LIPC: variants seen among roughly 807,000 people sequenced by gnomAD.
LIPC encodes lipase C, hepatic type.
LIPC carries 44 observed loss-of-function variants against 50.7 expected under a neutral mutation model. That is an observed-to-expected ratio of 0.87 (90% confidence interval 0.68 to 1.11). LIPC has a LOEUF of 1.11. Ranked by LOEUF, LIPC falls within the 50% of genes most tolerant of loss-of-function variation. The pLI is 0.00. For synonymous variants in LIPC, 271 were observed against 256.4 expected, an observed-to-expected ratio of 1.06 and a Z score of -0.54; for missense variants, 697 against 648.2, an observed-to-expected ratio of 1.08 and a Z score of -0.82.
At chr15:58,470,192 A>C (rs1894742849) in intron 1 of LIPC, among the ~76,000 whole-genome samples, 2 of 152,164 alleles carry the variant, frequency 1.3e-5, no homozygotes, top group African/African-American at 4.8e-5. Flanking sequence ...TCAGCCTCCC[A>C]AAGTGCTGAG....
At chr15:58,526,661 C>T (rs1892808838) in intron 1 of LIPC, among the ~76,000 whole-genome samples, 1 of 152,192 alleles carries the variant, frequency 6.6e-6, no homozygotes, top group Non-Finnish European at 1.5e-5. Flanking sequence ...AATAGGCTGG[C>T]AAAGACCTTG....
At chr15:58,493,159 C>T (rs558863348) in intron 1 of LIPC, among the ~76,000 whole-genome samples, 1 of 152,222 alleles carries the variant, frequency 6.6e-6, no homozygotes, top group African/African-American at 2.4e-5. Context: ...GAACCCATAC[C>T]CTCATCAGTG....
At chr15:58,432,844 G>T (rs1055712815) in intron 1 of LIPC, among the ~76,000 whole-genome samples, 1 of 152,176 alleles carries the variant, frequency 6.6e-6, no homozygotes, top group Non-Finnish European at 1.5e-5. Context: ...ATTTGTTTTG[G>T]TACTGGTTAC....
At chr15:58,547,792 TG>T (rs1433823338) in intron 5 of LIPC, among the ~76,000 whole-genome samples, 3 of 152,066 alleles carry the variant, frequency 2.0e-5, no homozygotes, top group Admixed American at 2.0e-4. Flanking sequence ...ATGGCTGCTT[TG>T]GGACACAAGG....
chr15:58,531,448 GA>G (rs112994928), intron 1 of LIPC, among the ~76,000 whole-genome samples: 1 of 151,646 alleles, frequency 6.6e-6, no homozygotes, highest in African/African-American at 2.4e-5. Context: ...TTTCTTAAAA[GA>G]AAAAAATCAT....
chr15:58,449,026 G>A (rs1183502062), intron 1 of LIPC, among the ~76,000 whole-genome samples: 1 of 152,124 alleles, frequency 6.6e-6, no homozygotes, highest in African/African-American at 2.4e-5. Context: ...AAGAGGGCTT[G>A]GCAGGCCGGA....
rs1893371477 is a variant in LIPC at position 58,542,636 on chromosome 15, A to T, written c.559A>T (p.Ile187Phe). ...AGSSIGGTHK[I>F]GRITGLDAAG... The stretch of plus-strand genomic sequence containing the variant: ...CAGTTCCATCGGTGGAACGCACAAG[A>T]TTGGGAGAATCACAGGTAACCATGC... Residue 187 changes from isoleucine to phenylalanine, a missense_variant, in exon 4 of 9, where the codon ATT (isoleucine) becomes TTT (phenylalanine). Transcript: ENST00000299022. The T allele has an allele frequency of 1.2e-6, 2 of 1,611,772 alleles. No individual in the cohort carries two copies. The highest frequency in any genetic ancestry group is 1.7e-6 in the Non-Finnish European group (2 of 1,178,068).
chr15:58,554,525 T>C (rs1893865829), intron 6 of LIPC, among the ~76,000 whole-genome samples: 1 of 150,974 alleles, frequency 6.6e-6, no homozygotes, highest in Non-Finnish European at 1.5e-5. Flanking sequence ...CAGGGTAGAA[T>C]GATAGGCAAA....
intron 1 of LIPC, among the ~76,000 whole-genome samples, chr15:58,513,278 G>A (rs932614296): frequency 2.6e-5 from 4 of 152,302 alleles, no homozygotes; most frequent in Non-Finnish European, 5.9e-5. Flanking sequence ...CCATTAACAA[G>A]GCTTCAGTCA....
chr15:58,440,503 G>A (rs1302323829), intron 1 of LIPC, among the ~76,000 whole-genome samples: 1 of 152,176 alleles, frequency 6.6e-6, no homozygotes, highest in Non-Finnish European at 1.5e-5. Flanking sequence ...CTGTGTACCA[G>A]GCCCCATGGT....
rs1352045210 is a variant in LIPC, at chr15:58,471,327, A to ATGGG, written c.88+39208_88+39211dup. ...AATTTTTTTTGTATTTTTAGTAGAG[A>ATGGG]TGGGGGGGGGTGGTCTCACCATGTT... is the stretch of plus-strand genomic sequence containing the variant. On this transcript the variant is annotated intron_variant, in intron 1 of 8. Transcript: ENST00000299022. Among the ~76,000 whole-genome samples the ATGGG allele has an allele frequency of 3.0e-3, 21 of 6,886 alleles. 1 individual carries two copies. Among genetic ancestry groups the ATGGG allele is most frequent in the Admixed American group, 0.024 (14 of 580 alleles). 4.5% of individuals were successfully genotyped at this position (6,886 alleles called of 152,430 possible). A position where few individuals can be genotyped will look rare whatever the true frequency, so the allele number is the denominator to read the frequency against.
chr15:58,543,652 T>C (rs1893418891), intron 4 of LIPC, among the ~76,000 whole-genome samples: 1 of 152,208 alleles, frequency 6.6e-6, no homozygotes, highest in Non-Finnish European at 1.5e-5. Flanking sequence ...TTTTTTTCTT[T>C]TGAGACGGAG....
intron 8 of LIPC, chr15:58,565,187 A>G (rs2140959984): frequency 1.3e-6 from 2 of 1,535,472 alleles, no homozygotes; most frequent in East Asian, 2.4e-5. Context: ...AGATCTCCCA[A>G]CAGGATCAAT....
chr15:58,439,366 A>C (rs1215636735), intron 1 of LIPC, among the ~76,000 whole-genome samples: 2 of 152,212 alleles, frequency 1.3e-5, no homozygotes, highest in Non-Finnish European at 2.9e-5. Flanking sequence ...CTACGAAATG[A>C]TAAAATAAAG....
In LIPC at chr15:58,568,760, C is replaced by G. The variant is rs999963390; in HGVS notation, c.1433C>G (p.Pro478Arg). The change falls in exon 9 of 9, where the codon CCA becomes CGA. Residue 478 changes from proline to arginine, a missense_variant. Coordinates refer to ENST00000299022, the MANE Select transcript of LIPC (RefSeq NM_000236.3). ...SENTDDLLLR[P>R]TQEKIFVKCE... ...AACACAGATGACCTACTACTTCGCC[C>G]AACCCAGGAAAAAATCTTCGTGAAA... is the stretch of plus-strand genomic sequence containing the variant. 1.2e-6 allele frequency: 2 copies of G among 1,611,974 alleles called. No homozygotes were observed. The highest frequency in any genetic ancestry group is 1.7e-6 in the Non-Finnish European group (2 of 1,178,590).
In LIPC at chr15:58,447,551, A is replaced by G. The variant is rs138255181; in HGVS notation, c.88+15431A>G. ...AGAGGCGCATGCATATCATGTTTGC[A>G]TTGTTTTCTTGCATGTGTCACTTCA... is the stretch of plus-strand genomic sequence containing the variant. On this transcript the variant is annotated intron_variant, in intron 1 of 8. Transcript: ENST00000299022. Among the ~76,000 whole-genome samples the G allele has an allele frequency of 1.2e-3, 182 of 152,320 alleles. 1 individual carries two copies. Among genetic ancestry groups the G allele is most frequent in the African/African-American group, 4.3e-3 (177 of 41,568 alleles).
intron 1 of LIPC, among the ~76,000 whole-genome samples, chr15:58,481,010 A>G (rs1891168348): frequency 6.6e-6 from 1 of 152,196 alleles, no homozygotes; most frequent in Non-Finnish European, 1.5e-5. Flanking sequence ...AAGCATCCAC[A>G]GATTGACTGG....
chr15:58,454,368 G>A (rs1431733068), intron 1 of LIPC: 1 of 152,246 alleles, frequency 6.6e-6, no homozygotes, highest in East Asian at 1.9e-4. Context: ...GGTTCCCCTG[G>A]AACCCCTTTG....
chr15:58,563,080 A>G (rs540174306), intron 7 of LIPC, among the ~76,000 whole-genome samples: 109 of 152,042 alleles, frequency 7.2e-4, no homozygotes, highest in Non-Finnish European at 1.2e-3. Flanking sequence ...AGAGGTTTCT[A>G]TTTATATGGG....
Sources: allele counts gnomAD v4.1 joint callset (sites outside exome capture counted in the v4.1 genomes callset), GRCh38; gene constraint gnomAD v4.1.1; transcripts MANE v1.5; gene names NCBI Gene and HGNC (gene_info 2026-07-23, HGNC 2026-07-21).